GON4L: variants seen among roughly 807,000 people sequenced by gnomAD.
GON4L encodes GON-4-like protein.
In GON4L, 87 loss-of-function variants were observed where a neutral mutation model predicts 211.8. The observed-to-expected ratio is 0.41, with a 90% CI of 0.35 to 0.49. GON4L has a LOEUF of 0.49. GON4L is among the 20% of genes least tolerant of loss of function. The probability of loss-of-function intolerance (pLI) is 0.15; values close to 1 mark genes in which losing one functional copy is unlikely to be tolerated. For synonymous variants in GON4L, 875 were observed against 962.6 expected, an observed-to-expected ratio of 0.91 and a Z score of 1.68; for missense variants, 2,155 against 2,659.5, an observed-to-expected ratio of 0.81 and a Z score of 4.17.
chr1:155,749,302 G>T, downstream of GON4L: 1 of 1,612,162 alleles, frequency 6.2e-7, no homozygotes, highest in East Asian at 2.2e-5. Context: ...ACAGACTAAT[G>T]GTGGTTTTGG....
At chr1:155,774,312 T>A (rs899564587) in intron 17 of GON4L, among the ~76,000 whole-genome samples, 9 of 150,694 alleles carry the variant, frequency 6.0e-5, no homozygotes, top group South Asian at 2.1e-4. Context: ...AGTTGATTTT[T>A]TTTTTTTTTT....
intron 2 of GON4L, among the ~76,000 whole-genome samples, chr1:155,837,608 T>G (rs1460682186): frequency 6.6e-6 from 1 of 151,812 alleles, no homozygotes; most frequent in Admixed American, 6.6e-5. Flanking sequence ...TGTTCTGGCT[T>G]GCTGTATCTC....
At chr1:155,750,827 T>TG in intron 31 of GON4L, 94 bp from the exon 32 acceptor site, 1 of 1,225,068 alleles carries the variant, frequency 8.2e-7, no homozygotes, top group Non-Finnish European at 1.2e-6. Context: ...GCAGTGGCAC[T>TG]GTGTCAGCTT....
At chr1:155,810,057 G>A (rs1037435970) in intron 10 of GON4L, among the ~76,000 whole-genome samples, 3 of 147,618 alleles carry the variant, frequency 2.0e-5, no homozygotes, top group South Asian at 4.2e-4. Flanking sequence ...GTGCACTGGC[G>A]CCATCTCGGC....
intron 12 of GON4L, among the ~76,000 whole-genome samples, chr1:155,792,205 C>G (rs115522459): frequency 1.3e-5 from 2 of 152,090 alleles, no homozygotes; most frequent in African/African-American, 2.4e-5. Flanking sequence ...CATGTGACCA[C>G]ATGGAGCTTT....
In GON4L at chr1:155,817,857, G is replaced by A. The variant is rs142846327; in HGVS notation, c.1015-1595C>T. On this transcript the variant is annotated intron_variant, in intron 6 of 31. Coordinates refer to ENST00000368331, the MANE Select transcript of GON4L (RefSeq NM_001282860.2). ...GAAGATCCCTTGAGCACAGGAAGGA[G>A]TTCAAGGCTGCAGTGAGCTATGATT... Among the ~76,000 whole-genome samples the A allele has an allele frequency of 3.3e-5, 5 of 149,312 alleles. No individual in the cohort carries two copies. In the East Asian group the frequency reaches 1.0e-3, roughly 30 times the overall value.
chr1:155,840,175 C>G (rs1167417824), intron 2 of GON4L, among the ~76,000 whole-genome samples: 1 of 152,096 alleles, frequency 6.6e-6, no homozygotes, highest in East Asian at 1.9e-4. Flanking sequence ...TCAGAGTAAC[C>G]AGAAAACTTT....
At chr1:155,844,402 C>T (rs1671042462) in intron 2 of GON4L, among the ~76,000 whole-genome samples, 1 of 152,128 alleles carries the variant, frequency 6.6e-6, no homozygotes, top group Admixed American at 6.6e-5. Flanking sequence ...TAAGAGCAAG[C>T]CACCTGGTTA....
At chr1:155,745,748 G>T (rs1660232930), downstream of GON4L, 2 of 1,021,188 alleles carry the variant, frequency 2.0e-6, no homozygotes, top group Admixed American at 4.8e-5. Flanking sequence ...TATAACACCC[G>T]CCCACGCGCC....
Position 155,826,928 on chromosome 1 carries a change from A to G in GON4L, c.606T>C (p.Asp202=). ...GCTTTTCTTGAGGAGAGGCACAAACATCTGGCTGGGTTGATTTCCTGGGCT... is the reference window on the plus strand; with the variant it reads ...GCTTTTCTTGAGGAGAGGCACAAACGTCTGGCTGGGTTGATTTCCTGGGCT... ...VSQPRKSTQP[D]VCASPQEKPL... is the part of the protein sequence containing the mutation. The change falls in exon 3 of 32, where the codon GAT becomes GAC. Residue 202 remains aspartate, a synonymous_variant. Transcript: ENST00000368331. 6.2e-7 allele frequency: 1 copy of G among 1,613,936 alleles called. No individual in the cohort carries two copies. The highest frequency in any genetic ancestry group is 8.5e-7 in the Non-Finnish European group (1 of 1,179,810).
At chr1:155,756,907 TGACAGA>T in intron 27 of GON4L, 45 bp downstream of exon 27, 1 of 1,416,384 alleles carries the variant, frequency 7.1e-7, no homozygotes. Flanking sequence ...CTAGTTTGGG[TGACAGA>T]GCGAGATTCT....
chr1:155,820,133 C>T (rs191618277), intron 6 of GON4L, among the ~76,000 whole-genome samples: 153 of 151,966 alleles, frequency 1.0e-3, no homozygotes, highest in Non-Finnish European at 1.6e-3. Context: ...AGGCTGGTCT[C>T]GAACTCCTGA....
At chr1:155,761,316 G>C (rs1301599853) in intron 23 of GON4L, among the ~76,000 whole-genome samples, 3 of 150,556 alleles carry the variant, frequency 2.0e-5, no homozygotes, top group Non-Finnish European at 2.9e-5. Flanking sequence ...AAAGTACCTA[G>C]GACCACAGGC....
At chr1:155,777,052 C>T (rs1465416672) in intron 15 of GON4L, among the ~76,000 whole-genome samples, 2 of 152,154 alleles carry the variant, frequency 1.3e-5, no homozygotes, top group African/African-American at 4.8e-5. Context: ...CTACTTCTCA[C>T]AGTGAAGGTT....
intron 10 of GON4L, among the ~76,000 whole-genome samples, chr1:155,810,339 T>C (rs1390692829): frequency 6.6e-6 from 1 of 152,062 alleles, no homozygotes; most frequent in Non-Finnish European, 1.5e-5. Context: ...AATTATTATA[T>C]CATACTTTAA....
downstream of GON4L, chr1:155,748,832 T>C: frequency 1.3e-6 from 2 of 1,563,536 alleles, no homozygotes; most frequent in Non-Finnish European, 1.8e-6. Flanking sequence ...GATTTTTGTT[T>C]CATGTCCTTT....
At chr1:155,771,797 C>G (rs1489949758) in intron 18 of GON4L, among the ~76,000 whole-genome samples, 2 of 152,112 alleles carry the variant, frequency 1.3e-5, no homozygotes, top group African/African-American at 4.8e-5. Flanking sequence ...TTTTGTAAAT[C>G]TAATTCTTGT....
chr1:155,763,647 C>A (rs1662083094), intron 21 of GON4L, 83 bp from the exon 22 acceptor site: 5 of 1,259,172 alleles, frequency 4.0e-6, no homozygotes, highest in Non-Finnish European at 4.3e-6. Context: ...TCAGGATAAT[C>A]TGAAGTTAAA....
intron 31 of GON4L, among the ~76,000 whole-genome samples, chr1:155,751,497 T>C (rs1478187710): frequency 2.0e-5 from 3 of 152,078 alleles, no homozygotes; most frequent in Non-Finnish European, 4.4e-5. Context: ...TGTAGTGAGC[T>C]GAGATTGTGC....
Sources: allele counts gnomAD v4.1 joint callset (sites outside exome capture counted in the v4.1 genomes callset), GRCh38; gene constraint gnomAD v4.1.1; transcripts MANE v1.5; gene names NCBI Gene and HGNC (gene_info 2026-07-23, HGNC 2026-07-21).